TTC28: variants seen among roughly 807,000 people sequenced by gnomAD.
TTC28 encodes the protein tetratricopeptide repeat domain 28.
TTC28 carries 61 observed loss-of-function variants against 198.0 expected under a neutral mutation model. That is an observed-to-expected ratio of 0.31 (90% CI 0.25 to 0.38). TTC28 has a LOEUF of 0.38. Ranked by LOEUF, TTC28 falls within the 10% of genes least tolerant of loss-of-function variation. The pLI is 1.00. For missense variants in TTC28, 2,678 were observed against 3,164.0 expected (o/e 0.85, Z 3.69); for synonymous variants, 1,171 against 1,297.8 (o/e 0.90, Z 2.10).
chr22:28,317,352 C>T (rs2045368744), intron 2 of TTC28, among the ~76,000 whole-genome samples: 1 of 152,100 alleles, frequency 6.6e-6, no homozygotes, highest in Admixed American at 6.5e-5. Context: ...TTGTTATTAT[C>T]TTATGAATCT....
intron 2 of TTC28, among the ~76,000 whole-genome samples, chr22:28,527,245 C>T (rs1352034128): frequency 2.0e-5 from 3 of 152,172 alleles, no homozygotes; most frequent in Non-Finnish European, 2.9e-5. Flanking sequence ...GGATTCCTGC[C>T]CACACTGGTG....
At chr22:28,340,003 G>A (rs887529255) in intron 2 of TTC28, among the ~76,000 whole-genome samples, 2 of 152,260 alleles carry the variant, frequency 1.3e-5, no homozygotes, top group South Asian at 4.1e-4. Flanking sequence ...GCTGTAGACT[G>A]GAGCTGTTCC....
At chr22:28,521,168 G>A (rs2048898098) in intron 2 of TTC28, among the ~76,000 whole-genome samples, 1 of 152,094 alleles carries the variant, frequency 6.6e-6, no homozygotes, top group Non-Finnish European at 1.5e-5. Context: ...GGAGGCCAAG[G>A]CGAGAGGATA....
chr22:28,387,755 G>C (rs12163268), intron 2 of TTC28, among the ~76,000 whole-genome samples: 29,650 of 152,112 alleles, frequency 0.19, 3,507 homozygotes, highest in Admixed American at 0.38. Context: ...CCCTTTGTCA[G>C]ATGAGTAGGT....
chr22:28,649,757 T>C (rs9625523), intron 1 of TTC28, among the ~76,000 whole-genome samples: 20,620 of 152,180 alleles, frequency 0.14, 1,641 homozygotes, highest in African/African-American at 0.19. Flanking sequence ...GATTCAAATA[T>C]ACAAGGTCAA....
intron 5 of TTC28, among the ~76,000 whole-genome samples, chr22:28,265,279 A>G (rs1270579215): frequency 1.4e-4 from 21 of 152,198 alleles, no homozygotes; most frequent in Non-Finnish European, 4.4e-5. Context: ...CCATGTATCC[A>G]TCCCACGATT....
chr22:28,220,874 T>C (rs1038935006), intron 5 of TTC28, among the ~76,000 whole-genome samples: 1 of 151,746 alleles, frequency 6.6e-6, no homozygotes, highest in Non-Finnish European at 1.5e-5. Flanking sequence ...ATAGGAAAAA[T>C]TTGAAACAAG....
intron 5 of TTC28, among the ~76,000 whole-genome samples, chr22:28,231,974 C>T (rs1302160238): frequency 6.6e-6 from 1 of 152,148 alleles, no homozygotes; most frequent in Non-Finnish European, 1.5e-5. Context: ...AGAAAGTATC[C>T]AGCAGAGAGT....
At chr22:28,127,962 T>C (rs1942958259) in intron 6 of TTC28, among the ~76,000 whole-genome samples, 1 of 151,390 alleles carries the variant, frequency 6.6e-6, no homozygotes, top group African/African-American at 2.4e-5. Context: ...CTCATGGGCT[T>C]AAGTGATCCT....
chr22:28,389,304 C>T (rs1212754956), intron 2 of TTC28, among the ~76,000 whole-genome samples: 13 of 151,104 alleles, frequency 8.6e-5, no homozygotes, highest in Non-Finnish European at 1.6e-4. Context: ...TAAAATTCTC[C>T]TTTTTGGTTG....
chr22:28,533,267 GACAA>G (rs1268893972), intron 2 of TTC28, among the ~76,000 whole-genome samples: 2 of 152,048 alleles, frequency 1.3e-5, no homozygotes, highest in East Asian at 1.9e-4. Flanking sequence ...ACCAATAACA[GACAA>G]ACAGAGAGCC....
At chr22:28,309,567 T>C (rs1282081028) in intron 2 of TTC28, among the ~76,000 whole-genome samples, 4 of 152,228 alleles carry the variant, frequency 2.6e-5, no homozygotes, top group East Asian at 1.9e-4. Flanking sequence ...TCTCCTTCTA[T>C]GGGTTCCAGC....
In TTC28 at chr22:28,277,825, C is replaced by T. The variant is rs543004561; in HGVS notation, c.933+18373G>A. The stretch of plus-strand genomic sequence containing the variant: ...TTTGCTTCAGTTTCTCCAATCTGGC[C>T]CCGAGGATCCCAAAGTTAAAAATCA... On this transcript the variant is annotated intron_variant, in intron 5 of 22. Transcript: ENST00000397906. 2.6e-5 allele frequency among the ~76,000 whole-genome samples: 4 copies of T among 152,098 alleles called. No homozygotes were observed. The South Asian group carries it at 8.3e-4, about 32-fold the overall frequency.
At chr22:28,512,112 A>C (rs980665417) in intron 2 of TTC28, among the ~76,000 whole-genome samples, 10 of 151,914 alleles carry the variant, frequency 6.6e-5, no homozygotes, top group Non-Finnish European at 1.3e-4. Context: ...AAACAAACAA[A>C]CCCATTAAAA....
At chr22:28,572,701 T>C (rs2050082125) in intron 2 of TTC28, among the ~76,000 whole-genome samples, 1 of 152,172 alleles carries the variant, frequency 6.6e-6, no homozygotes, top group South Asian at 2.1e-4. Context: ...ATTTAACTTA[T>C]TAGGGGAGTG....
chr22:28,103,881 T>C (rs1288201387), intron 8 of TTC28, among the ~76,000 whole-genome samples: 2 of 152,204 alleles, frequency 1.3e-5, no homozygotes, highest in East Asian at 3.8e-4. Context: ...CAAATTCAAA[T>C]GAAAATTGCT....
chr22:28,593,593 G>A (rs896761504), intron 2 of TTC28, among the ~76,000 whole-genome samples: 2 of 148,048 alleles, frequency 1.4e-5, no homozygotes, highest in Admixed American at 6.6e-5. Flanking sequence ...TCAAATACCC[G>A]GGAGGGTACA....
At chr22:28,180,169 T>C (rs538549099) in intron 5 of TTC28, among the ~76,000 whole-genome samples, 1 of 152,296 alleles carries the variant, frequency 6.6e-6, no homozygotes, top group Non-Finnish European at 1.5e-5. Flanking sequence ...AAATGATATA[T>C]ACTCTCTATT....
Position 27,982,856 on chromosome 22 carries a change from A to G in TTC28, c.6811T>C (p.Ser2271Pro), listed in dbSNP as rs1046208266. The change falls in exon 23 of 23, where the codon TCG (serine) becomes CCG (proline). Residue 2271 changes from serine to proline, a missense_variant. Physicochemically the swap from Ser to Pro is moderately conservative, Grantham distance 74. Transcript: ENST00000397906. The surrounding 1 kb of genome is among the most constrained non-coding windows in gnomAD (Gnocchi z 5.2). ...GAAGTCTGTGAGTCGCAGCCGGGCG[A>G]TGGCCGGCCACTGTGCTGGCTCGGG... is the stretch of plus-strand genomic sequence containing the variant. ...DSPSQHSGRPSPGCDSQTSQL... is the reference protein window; with the variant it reads ...DSPSQHSGRPPPGCDSQTSQL... The G allele has an allele frequency of 1.3e-6, 2 of 1,545,376 alleles. No homozygotes were observed. The highest frequency in any genetic ancestry group is 2.7e-5 in the African/African-American group (2 of 72,880).
Sources: allele counts gnomAD v4.1 joint callset (sites outside exome capture counted in the v4.1 genomes callset), GRCh38; gene constraint gnomAD v4.1.1; non-coding constraint Gnocchi (gnomAD v3.1); transcripts MANE v1.5; gene names NCBI Gene and HGNC (gene_info 2026-07-23, HGNC 2026-07-21).